The following PARVB variants were observed in gnomAD, a reference collection of about 807,000 sequenced individuals.
PARVB encodes the protein beta-parvin.
A neutral mutation model predicts 47.0 loss-of-function variants in PARVB; 46 were observed. The observed-to-expected ratio is 0.98, with a 90% CI of 0.77 to 1.25. The LOEUF (loss-of-function observed/expected upper bound fraction) is 1.25. PARVB is among the 50% of genes most tolerant of loss of function. The pLI is 0.00. For missense variants in PARVB, 473 were observed against 471.6 expected (o/e 1.00, Z -0.03); for synonymous variants, 196 against 196.3 (o/e 1.00, Z 0.01).
intron 7 of PARVB, among the ~76,000 whole-genome samples, chr22:44,136,901 G>T (rs2053452596): frequency 6.6e-6 from 1 of 152,224 alleles, no homozygotes; most frequent in Non-Finnish European, 1.5e-5. Flanking sequence ...CTTTAAACCA[G>T]AACTTTCCTT....
At chr22:44,132,409 G>A (rs1260521315) in intron 5 of PARVB, among the ~76,000 whole-genome samples, 1 of 152,180 alleles carries the variant, frequency 6.6e-6, no homozygotes, top group Non-Finnish European at 1.5e-5. Context: ...GAAGAGAGAG[G>A]ACAGACTCAG....
At chr22:44,040,549 A>G (rs569149601) in intron 1 of PARVB, among the ~76,000 whole-genome samples, 58 of 152,242 alleles carry the variant, frequency 3.8e-4, no homozygotes, top group African/African-American at 1.3e-3. Flanking sequence ...GGAAGTTGCA[A>G]TGATGTGGGG....
At chr22:44,100,001 G>A (rs549947432) in intron 2 of PARVB, 52 bp from the exon 3 acceptor site, 1 of 1,475,368 alleles carries the variant, frequency 6.8e-7, no homozygotes, top group South Asian at 1.1e-5. Context: ...GGTTCCCCGT[G>A]TCCCTGCCAC....
At chr22:44,008,955 C>CA (rs1455425877) in intron 2 of PARVB, among the ~76,000 whole-genome samples, 30 of 152,104 alleles carry the variant, frequency 2.0e-4, no homozygotes, top group African/African-American at 7.2e-4. Context: ...CACCACTGTG[C>CA]TCCAGCCTGG....
chr22:44,032,724 G>GCT (rs1262161175), intron 1 of PARVB, among the ~76,000 whole-genome samples: 1 of 152,148 alleles, frequency 6.6e-6, no homozygotes, highest in East Asian at 1.9e-4. Context: ...GTCCAGAGCT[G>GCT]GTACGTGGTA....
At chr22:44,020,781 C>T (rs2050638436), upstream of PARVB, among the ~76,000 whole-genome samples, 1 of 151,946 alleles carries the variant, frequency 6.6e-6, no homozygotes, top group African/African-American at 2.4e-5. Context: ...CCAACTCTGT[C>T]CTTTCTTTTT....
At chr22:44,066,702 A>G (rs1438188325) in intron 1 of PARVB, among the ~76,000 whole-genome samples, 1 of 151,994 alleles carries the variant, frequency 6.6e-6, no homozygotes, top group Non-Finnish European at 1.5e-5. Flanking sequence ...AGGGATGATC[A>G]TAAGGGTTCT....
At chr22:44,090,424 G>A (rs576101067) in intron 1 of PARVB, among the ~76,000 whole-genome samples, 2 of 152,332 alleles carry the variant, frequency 1.3e-5, no homozygotes, top group East Asian at 3.9e-4. Context: ...CATTTATTAA[G>A]GTCACAAAAT....
intron 11 of PARVB, 117 bp from the exon 12 acceptor site, chr22:44,163,741 G>A: frequency 1.2e-6 from 1 of 826,760 alleles, no homozygotes. Context: ...CTGGGTCCTT[G>A]TGGACGTCAG....
chr22:44,052,875 T>C (rs5764070), intron 1 of PARVB, among the ~76,000 whole-genome samples: 118,823 of 152,018 alleles, frequency 0.78, 46,457 homozygotes, highest in East Asian at 0.89. Context: ...CTCAGGAGGT[T>C]GAGGCCACAG....
At chr22:44,035,674 A>G (rs1406903334) in intron 1 of PARVB, among the ~76,000 whole-genome samples, 2 of 152,022 alleles carry the variant, frequency 1.3e-5, no homozygotes, top group African/African-American at 2.4e-5. Context: ...CCCGTCCGTC[A>G]AGGCTTCTTG....
intron 1 of PARVB, among the ~76,000 whole-genome samples, chr22:44,088,195 G>A (rs1221164600): frequency 6.6e-6 from 1 of 152,158 alleles, no homozygotes; most frequent in Non-Finnish European, 1.5e-5. Context: ...ATATTAAAAG[G>A]CCTACTATGT....
intron 2 of PARVB, among the ~76,000 whole-genome samples, chr22:44,004,058 G>T (rs1394227031): frequency 6.6e-6 from 1 of 152,208 alleles, no homozygotes; most frequent in Non-Finnish European, 1.5e-5. Flanking sequence ...AGAACAGGAT[G>T]GAGAGGGGTG....
chr22:44,085,356 C>G (rs1411539738), intron 1 of PARVB, among the ~76,000 whole-genome samples: 1 of 152,296 alleles, frequency 6.6e-6, no homozygotes, highest in East Asian at 1.9e-4. Context: ...GTCACCCAGG[C>G]TGGAGTGCAG....
At chr22:44,042,962 A>C (rs16991365) in intron 1 of PARVB, among the ~76,000 whole-genome samples, 3,726 of 152,280 alleles carry the variant, frequency 0.024, 106 homozygotes, top group East Asian at 0.1. Flanking sequence ...TTTAAGGTTT[A>C]CTGGCGCACT....
chr22:44,109,374 A>G (rs1256185098), intron 3 of PARVB: 1 of 152,276 alleles, frequency 6.6e-6, no homozygotes, highest in Non-Finnish European at 1.5e-5. Context: ...CAAAGCTCAT[A>G]AGACGTGTGT....
chr22:44,128,541 C>T (rs2147151729), intron 4 of PARVB, among the ~76,000 whole-genome samples: 1 of 152,360 alleles, frequency 6.6e-6, no homozygotes, highest in East Asian at 1.9e-4. Context: ...AGCACACAGG[C>T]ATGGCCAGTC....
intron 8 of PARVB, chr22:44,140,917 C>T (rs761123206): frequency 1.6e-5 from 3 of 193,148 alleles, no homozygotes; most frequent in East Asian, 2.4e-4. Context: ...ACCAGGATAC[C>T]CCGGCCCTCG....
At chr22:44,094,046 G>A in intron 2 of PARVB, 29 bp downstream of exon 2, 1 of 1,368,590 alleles carries the variant, frequency 7.3e-7, no homozygotes, top group Non-Finnish European at 1.0e-6. Flanking sequence ...TCCCTGCCCT[G>A]AGACAGTTGA....
Sources: gnomAD v4.1 joint callset for allele counts (sites outside exome capture counted in the v4.1 genomes callset) on GRCh38, gnomAD v4.1.1 for gene constraint, MANE v1.5 for transcripts, NCBI Gene and HGNC (gene_info 2026-07-23, HGNC 2026-07-21) for gene names.